The following SPTLC2 variants were observed in gnomAD, a reference collection of about 807,000 sequenced individuals.
SPTLC2 encodes the protein serine palmitoyltransferase 2.
In SPTLC2, 21 loss-of-function variants were observed where a neutral mutation model predicts 62.0. The ratio of observed to expected loss-of-function variants is 0.34; its 90% CI spans 0.24 to 0.49. The LOEUF (loss-of-function observed/expected upper bound fraction) is 0.49. Among genes scored for constraint, SPTLC2 ranks in the 20% least tolerant of loss-of-function variants. The pLI, the probability that SPTLC2 is intolerant of heterozygous loss-of-function variation, is 0.99. For synonymous variants in SPTLC2, 261 were observed against 261.8 expected (o/e 1.00, Z 0.03); for missense variants, 511 against 713.0 (o/e 0.72, Z 3.23).
chr14:77,546,798 C>T (rs1173685012), intron 9 of SPTLC2, among the ~76,000 whole-genome samples: 1 of 151,864 alleles, frequency 6.6e-6, no homozygotes, highest in African/African-American at 2.4e-5. Context: ...TGTAATGGCG[C>T]GATCTCAGCT....
intron 5 of SPTLC2, among the ~76,000 whole-genome samples, chr14:77,563,086 G>GT (rs11410068): frequency 0.059 from 8,652 of 147,594 alleles, 795 homozygotes; most frequent in African/African-American, 0.2. Flanking sequence ...TCTCGGTTTG[G>GT]TTTTTTTTTT....
chr14:77,520,581 C>T (rs983385747), intron 10 of SPTLC2, among the ~76,000 whole-genome samples: 2 of 152,218 alleles, frequency 1.3e-5, no homozygotes, highest in Non-Finnish European at 2.9e-5. Flanking sequence ...GCAGGTCACT[C>T]CTTTATTCTA....
chr14:77,557,329 A>C (rs1221083576), intron 6 of SPTLC2, 183 bp from the exon 7 acceptor site: 2 of 604,440 alleles, frequency 3.3e-6, no homozygotes, highest in Non-Finnish European at 5.8e-6. Flanking sequence ...TTGAAATCCA[A>C]AATGTAACAA....
intron 9 of SPTLC2, among the ~76,000 whole-genome samples, chr14:77,529,772 G>A (rs28417590): frequency 0.16 from 24,207 of 151,418 alleles, 2,144 homozygotes; most frequent in African/African-American, 0.23. Context: ...ACAGATGTGC[G>A]CCACCATGCC....
chr14:77,575,937 G>C (rs1163920872), intron 4 of SPTLC2, among the ~76,000 whole-genome samples: 1 of 152,156 alleles, frequency 6.6e-6, no homozygotes, highest in African/African-American at 2.4e-5. Flanking sequence ...TAGAAACATG[G>C]AGAGGCCACA....
At chr14:77,540,825 G>A (rs1333203584) in intron 9 of SPTLC2, among the ~76,000 whole-genome samples, 1 of 152,088 alleles carries the variant, frequency 6.6e-6, no homozygotes, top group Non-Finnish European at 1.5e-5. Flanking sequence ...TTTAATTATG[G>A]CATAAGTCCA....
intron 9 of SPTLC2, among the ~76,000 whole-genome samples, chr14:77,545,657 C>T (rs1408274565): frequency 6.6e-6 from 1 of 152,064 alleles, no homozygotes; most frequent in African/African-American, 2.4e-5. Context: ...TGGGGAACAG[C>T]TAGGATCAAG....
chr14:77,601,194 G>A (rs970074633), intron 1 of SPTLC2, among the ~76,000 whole-genome samples: 3 of 152,138 alleles, frequency 2.0e-5, no homozygotes, highest in Non-Finnish European at 2.9e-5. Flanking sequence ...TGACCTGCAC[G>A]TATACATCTA....
At chr14:77,573,044 T>C (rs1469875404) in intron 4 of SPTLC2, among the ~76,000 whole-genome samples, 1 of 152,222 alleles carries the variant, frequency 6.6e-6, no homozygotes, top group Non-Finnish European at 1.5e-5. Flanking sequence ...AGAACTTTTT[T>C]TGCATTCACA....
intron 9 of SPTLC2, among the ~76,000 whole-genome samples, chr14:77,545,342 CT>C (rs2079522449): frequency 1.3e-5 from 2 of 151,946 alleles, no homozygotes. Context: ...TCTCGGCTCC[CT>C]GCAATCTCCA....
At chr14:77,518,611 G>T (rs1466771475) in intron 10 of SPTLC2, among the ~76,000 whole-genome samples, 1 of 117,052 alleles carries the variant, frequency 8.5e-6, no homozygotes, top group Non-Finnish European at 1.8e-5. Context: ...AAAAAAAAAA[G>T]TGTCCCTGAT....
At chr14:77,567,803 T>C (rs2079653886) in intron 5 of SPTLC2, among the ~76,000 whole-genome samples, 1 of 150,266 alleles carries the variant, frequency 6.7e-6, no homozygotes, top group Non-Finnish European at 1.5e-5. Flanking sequence ...TTTGTTTTTC[T>C]TTTTCTAATT....
At chr14:77,555,152 C>CA in intron 8 of SPTLC2, 148 bp downstream of exon 8, 1 of 817,738 alleles carries the variant, frequency 1.2e-6, no homozygotes. Flanking sequence ...AGTGAGGAGA[C>CA]ATTAGAGTCA....
chr14:77,598,700 G>C (rs2079861468), intron 1 of SPTLC2, among the ~76,000 whole-genome samples: 1 of 152,192 alleles, frequency 6.6e-6, no homozygotes, highest in Non-Finnish European at 1.5e-5. Flanking sequence ...GGGAGGCCAA[G>C]GTGGGCAGAT....
chr14:77,515,147 G>T (rs117803684), intron 11 of SPTLC2, among the ~76,000 whole-genome samples: 1 of 152,100 alleles, frequency 6.6e-6, no homozygotes, highest in Admixed American at 6.5e-5. Flanking sequence ...GCTAGTACTC[G>T]ACTGTTGTAA....
intron 1 of SPTLC2, among the ~76,000 whole-genome samples, chr14:77,609,873 GAATC>G (rs918153375): frequency 3.3e-5 from 5 of 152,212 alleles, no homozygotes; most frequent in South Asian, 4.1e-4. Flanking sequence ...GTAACACCCT[GAATC>G]AATCAATCAA....
chr14:77,599,029 T>C (rs2079863562), intron 1 of SPTLC2, among the ~76,000 whole-genome samples: 1 of 152,212 alleles, frequency 6.6e-6, no homozygotes, highest in African/African-American at 2.4e-5. Context: ...TCTGTCCCCC[T>C]TCATCTTAAG....
chr14:77,520,245 C>A (rs562406364), intron 10 of SPTLC2, among the ~76,000 whole-genome samples: 2 of 152,344 alleles, frequency 1.3e-5, no homozygotes, highest in South Asian at 4.1e-4. Context: ...TTCCCCATCC[C>A]CTCTGAAGCC....
intron 6 of SPTLC2, among the ~76,000 whole-genome samples, chr14:77,561,611 C>CAA (rs1187006995): frequency 2.1e-5 from 2 of 96,528 alleles, no homozygotes; most frequent in Admixed American, 1.2e-4. Context: ...ACTCTAGCCT[C>CAA]AAAAAAAAAA....
Sources: allele counts gnomAD v4.1 joint callset (sites outside exome capture counted in the v4.1 genomes callset), GRCh38; gene constraint gnomAD v4.1.1; transcripts MANE v1.5; gene names NCBI Gene and HGNC (gene_info 2026-07-23, HGNC 2026-07-21).